The following ARHGEF10 variants were observed in gnomAD, a reference collection of about 807,000 sequenced individuals.
ARHGEF10 encodes Rho guanine nucleotide exchange factor 10.
In ARHGEF10, 140 loss-of-function variants were observed where a neutral mutation model predicts 147.4. That is an observed-to-expected ratio of 0.95 (90% CI 0.83 to 1.09). The LOEUF (loss-of-function observed/expected upper bound fraction) is 1.09. ARHGEF10 is among the 50% of genes least tolerant of loss of function. The probability of loss-of-function intolerance (pLI) is 0.00; values close to 1 mark genes in which losing one functional copy is unlikely to be tolerated. For missense variants in ARHGEF10, 2,222 were observed against 1,752.7 expected, an observed-to-expected ratio of 1.27 and a Z score of -4.78; for synonymous variants, 902 against 695.8, an observed-to-expected ratio of 1.30 and a Z score of -4.67.
rs561630845 is a variant in ARHGEF10, at chr8:1,897,686, C to G, written c.1558-747C>G. Among the ~76,000 whole-genome samples the G allele has an allele frequency of 5.3e-5, 8 of 152,350 alleles. 1 individual carries two copies. The highest frequency in any genetic ancestry group is 2.6e-4 in the Admixed American group (4 of 15,308). ...CTCTGTCCTTTGGCTAGGGAACCAT[C>G]TCTTTCTTTTGGGGAAAGAAAACAT... On this transcript the variant is annotated intron_variant, in intron 14 of 28. Coordinates refer to ENST00000349830, the MANE Select transcript of ARHGEF10 (RefSeq NM_014629.4).
At chr8:1,875,621 G>A (rs986301008) in intron 7 of ARHGEF10, among the ~76,000 whole-genome samples, 5 of 152,216 alleles carry the variant, frequency 3.3e-5, no homozygotes, top group Admixed American at 3.3e-4. Context: ...GGCTGCTGTT[G>A]ACCTGCCAGA....
Position 1,860,161 on chromosome 8 carries a change from G to A in ARHGEF10, c.458G>A (p.Cys153Tyr). 1 of 1,613,484 alleles carries A rather than the reference G, an allele frequency of 6.2e-7. No individual in the cohort carries two copies. Among genetic ancestry groups the A allele is most frequent in the Non-Finnish European group, 8.5e-7 (1 of 1,179,942 alleles). ...GCCTACTCCAGCCCGGTCATCATCT[G>A]CGCCACGTCCCTGGACGAAGAAGGT... ...LPAYSSPVII[C>Y]ATSLDEEETP... The change falls in exon 4 of 29, where the codon TGC (cysteine) becomes TAC (tyrosine). Residue 153 changes from cysteine to tyrosine, a missense_variant. Physicochemically the swap from Cys to Tyr is radical, Grantham distance 194. Transcript: ENST00000349830.
intron 26 of ARHGEF10, among the ~76,000 whole-genome samples, 189 bp from the exon 27 acceptor site, chr8:1,945,292 G>A (rs1814475474): frequency 6.6e-6 from 1 of 152,238 alleles, no homozygotes. Context: ...AAGGAGCCAG[G>A]ATGATTGGAA....
At chr8:1,939,469 T>TC (rs567507818) in intron 26 of ARHGEF10, among the ~76,000 whole-genome samples, 99 of 152,198 alleles carry the variant, frequency 6.5e-4, no homozygotes, top group African/African-American at 2.4e-3. Flanking sequence ...GGGGCAACAC[T>TC]CCCTCCAGGC....
intron 28 of ARHGEF10, among the ~76,000 whole-genome samples, chr8:1,955,219 C>T (rs1377806499): frequency 6.7e-6 from 1 of 149,830 alleles, no homozygotes; most frequent in Non-Finnish European, 1.5e-5. Flanking sequence ...CAGGTGCTTC[C>T]TGAAAGGAGG....
intron 18 of ARHGEF10, among the ~76,000 whole-genome samples, chr8:1,911,657 C>T (rs1242605730): frequency 2.0e-5 from 3 of 152,130 alleles, no homozygotes; most frequent in South Asian, 2.1e-4. Context: ...CCAGGGTGGA[C>T]CGACAGTCTC....
intron 22 of ARHGEF10, among the ~76,000 whole-genome samples, 172 bp downstream of exon 22, chr8:1,925,576 A>C (rs1812628799): frequency 6.6e-6 from 1 of 152,194 alleles, no homozygotes; most frequent in African/African-American, 2.4e-5. Context: ...CTGTTGATTG[A>C]AACCTAAAAA....
chr8:1,875,626 G>A (rs1807633615), intron 7 of ARHGEF10, among the ~76,000 whole-genome samples: 1 of 152,206 alleles, frequency 6.6e-6, no homozygotes, highest in African/African-American at 2.4e-5. Context: ...CTGTTGACCT[G>A]CCAGAACTTT....
chr8:1,886,409 C>T (rs1240851221), intron 11 of ARHGEF10, among the ~76,000 whole-genome samples: 2 of 152,076 alleles, frequency 1.3e-5, no homozygotes, highest in African/African-American at 4.8e-5. Context: ...TACAGGTAGG[C>T]AGATAGAGCA....
chr8:1,939,139 T>A (rs1563315336), intron 26 of ARHGEF10, among the ~76,000 whole-genome samples: 1 of 152,214 alleles, frequency 6.6e-6, no homozygotes, highest in Non-Finnish European at 1.5e-5. Context: ...CACTGTGGAA[T>A]CCATAGCCTG....
At chr8:1,843,483 C>T (rs746352771) in intron 2 of ARHGEF10, 47 bp downstream of exon 2, 1 of 1,453,562 alleles carries the variant, frequency 6.9e-7, no homozygotes, top group Non-Finnish European at 9.6e-7. Context: ...TGTGCTGCTG[C>T]TCTCATCAAG....
At chr8:1,887,913 G>A (rs565639630) in intron 11 of ARHGEF10, among the ~76,000 whole-genome samples, 67 of 151,100 alleles carry the variant, frequency 4.4e-4, no homozygotes, top group African/African-American at 1.6e-3. Context: ...ACACGGAGTG[G>A]GGTGCGGGTC....
At chr8:1,850,010 GGCGTGGGCCGGCT>G (rs1466272414) in intron 2 of ARHGEF10, among the ~76,000 whole-genome samples, 900 of 87,280 alleles carry the variant, frequency 0.01, 17 homozygotes, top group Middle Eastern at 0.024. Context: ...TGCTGAGGAG[GGCGTGGGCCGGCT>G]GCATGGACAC....
In ARHGEF10 at chr8:1,866,324, T is replaced by G. The variant is rs1806607427; in HGVS notation, c.546-202T>G. The stretch of plus-strand genomic sequence containing the variant: ...AGGCCAAACATCTGGAATACTTATT[T>G]ACAGAGTTATGAGTGAAAGCTTGAA... On this transcript the variant is annotated intron_variant, in intron 5 of 28. Coordinates refer to ENST00000349830, the MANE Select transcript of ARHGEF10 (RefSeq NM_014629.4). Among the ~76,000 whole-genome samples the G allele has an allele frequency of 2.0e-5, 3 of 152,216 alleles. No homozygotes were observed. In the South Asian group the frequency reaches 6.2e-4, roughly 31 times the overall value.
chr8:1,856,272 C>G (rs549108778), intron 2 of ARHGEF10, among the ~76,000 whole-genome samples: 1 of 152,304 alleles, frequency 6.6e-6, no homozygotes, highest in Non-Finnish European at 1.5e-5. Context: ...CATTCTCATA[C>G]TTGTAAAACT....
In ARHGEF10 at chr8:1,894,377, G is replaced by C. The variant is rs1563247861; in HGVS notation, c.1261-16G>C. The C allele has an allele frequency of 6.2e-7, 1 of 1,613,912 alleles. No individual in the cohort carries two copies. Among genetic ancestry groups the C allele is most frequent in the South Asian group, 1.1e-5 (1 of 91,066 alleles). ...AAAAAGAAAAGTCTGAACTGTCTTT[G>C]CTCATTTTGTCTTAGCAATATGAGA... On this transcript the variant is annotated splice_polypyrimidine_tract_variant and intron_variant, in intron 12 of 28. Coordinates refer to ENST00000349830, the MANE Select transcript of ARHGEF10 (RefSeq NM_014629.4).
intron 15 of ARHGEF10, among the ~76,000 whole-genome samples, chr8:1,900,902 G>A (rs928371484): frequency 2.0e-5 from 3 of 152,132 alleles, no homozygotes; most frequent in Admixed American, 1.3e-4. Flanking sequence ...TGTTGCCCCT[G>A]AAGGAGAAAA....
intron 13 of ARHGEF10, 95 bp downstream of exon 13, chr8:1,894,667 C>G: frequency 7.2e-7 from 1 of 1,388,142 alleles, no homozygotes; most frequent in Admixed American, 1.8e-5. Context: ...TGATCTCCTG[C>G]AAGCTGACAA....
rs189846515 is a variant in ARHGEF10, at chr8:1,891,430, C to G, written c.1183-2139C>G. 1.9e-3 allele frequency among the ~76,000 whole-genome samples: 293 copies of G among 152,234 alleles called. 2 individuals are homozygous for G. Among genetic ancestry groups the G allele is most frequent in the Middle Eastern group, 3.4e-3 (1 of 294 alleles). On this transcript the variant is annotated intron_variant, in intron 11 of 28. Transcript: ENST00000349830. ...TTGGGGGTGGAAAAAGGCAAATGTT[C>G]TTTTTGAAATAAAGAAGGGTCGTTC... is the stretch of plus-strand genomic sequence containing the variant.
Sources: allele counts gnomAD v4.1 joint callset (sites outside exome capture counted in the v4.1 genomes callset), GRCh38; gene constraint gnomAD v4.1.1; transcripts MANE v1.5; gene names NCBI Gene and HGNC (gene_info 2026-07-23, HGNC 2026-07-21).